The following TSPAN9 variants were observed in gnomAD, a reference collection of about 807,000 sequenced individuals.
TSPAN9 encodes tetraspanin-9.
TSPAN9 carries 16 observed loss-of-function variants against 31.0 expected under a neutral mutation model. That is an observed-to-expected ratio of 0.52 (90% CI 0.35 to 0.78). The LOEUF (loss-of-function observed/expected upper bound fraction) is 0.78, where lower values mean the gene tolerates loss of function less well. Among genes scored for constraint, TSPAN9 ranks in the 30% least tolerant of loss-of-function variants. The probability of loss-of-function intolerance (pLI) is 0.01; values close to 1 mark genes in which losing one functional copy is unlikely to be tolerated. For synonymous variants in TSPAN9, 145 were observed against 121.6 expected, an observed-to-expected ratio of 1.19 and a Z score of -1.27; for missense variants, 272 against 312.5, an observed-to-expected ratio of 0.87 and a Z score of 0.98.
Position 3,201,583 on chromosome 12 carries a change from G to A in TSPAN9, c.63+327G>A, listed in dbSNP as rs144886638. On this transcript the variant is annotated intron_variant, in intron 3 of 8. Coordinates refer to ENST00000011898, the MANE Select transcript of TSPAN9 (RefSeq NM_006675.5). ...AGTGCCTCCGACTGGGCAGCCTGCA[G>A]TAATGGCTGTGGGCTCAGAATTTGT... 2.2e-4 allele frequency among the ~76,000 whole-genome samples: 34 copies of A among 152,328 alleles called. No homozygotes were observed. In the East Asian group the frequency reaches 6.6e-3, roughly 29 times the overall value.
At position 3,187,674 on chromosome 12, in the gene TSPAN9, T is replaced by G. The variant is rs2098362112; in HGVS notation, c.-17-13503T>G. ...ATGTGATCATTAGTGTGAGAGCCCC[T>G]CAAAAAAGCTGCAAGAGTCACCATG... On this transcript the variant is annotated intron_variant, in intron 2 of 8. Coordinates refer to ENST00000011898, the MANE Select transcript of TSPAN9 (RefSeq NM_006675.5). The surrounding 1 kb of genome is among the most constrained non-coding windows in gnomAD (Gnocchi z 5.2). Among the ~76,000 whole-genome samples the G allele has an allele frequency of 6.6e-6, 1 of 152,022 alleles. No homozygotes were observed. The highest frequency in any genetic ancestry group is 1.5e-5 in the Non-Finnish European group (1 of 67,990).
chr12:3,213,189 G>A (rs12319625), intron 3 of TSPAN9, among the ~76,000 whole-genome samples: 79 of 152,316 alleles, frequency 5.2e-4, no homozygotes, highest in African/African-American at 1.9e-3. Flanking sequence ...GGAGGACATG[G>A]GACTGTGGCT....
At chr12:3,211,538 T>C in intron 3 of TSPAN9, 2 of 757,494 alleles carry the variant, frequency 2.6e-6, no homozygotes, top group Non-Finnish European at 4.2e-6. Context: ...ACCCTTTTGA[T>C]ATTTTGGTTG....
intron 3 of TSPAN9, among the ~76,000 whole-genome samples, chr12:3,261,829 G>C (rs1234504394): frequency 1.3e-5 from 2 of 152,232 alleles, no homozygotes; most frequent in African/African-American, 4.8e-5. Context: ...ACAGACTGAG[G>C]ACACTGGGCT....
intron 3 of TSPAN9, among the ~76,000 whole-genome samples, chr12:3,244,583 A>T (rs2098398377): frequency 6.6e-6 from 1 of 152,064 alleles, no homozygotes; most frequent in Non-Finnish European, 1.5e-5. Context: ...CTCTCGAGCC[A>T]CCTCACGCCC....
chr12:3,273,305 G>A (rs142276652), intron 3 of TSPAN9: 1 of 152,392 alleles, frequency 6.6e-6, no homozygotes, highest in African/African-American at 2.4e-5. Flanking sequence ...GCCCTGATTT[G>A]AAGTTATTTT....
chr12:3,154,065 T>G (rs943993142), intron 2 of TSPAN9, among the ~76,000 whole-genome samples: 1 of 152,144 alleles, frequency 6.6e-6, no homozygotes, highest in African/African-American at 2.4e-5. Flanking sequence ...TCTATCTGTT[T>G]CTCTGTCTAG....
At position 3,247,298 on chromosome 12, in the gene TSPAN9, A is replaced by C. The variant is rs561910; in HGVS notation, c.64-31123A>C. On this transcript the variant is annotated intron_variant, in intron 3 of 8. Transcript: ENST00000011898. ...TTGTGGCTGATGAGCATTACTGGCC[A>C]GCCCCCCCCCCCCCGCCACCCGCGT... Among the ~76,000 whole-genome samples the C allele has an allele frequency of 1.4e-3, 95 of 68,782 alleles. 12 individuals carry two copies. The highest frequency in any genetic ancestry group is 3.0e-3 in the South Asian group (4 of 1,340). The allele number at this position is 68,782 out of a possible 152,430, so 45.1% of individuals were successfully genotyped here.
intron 2 of TSPAN9, among the ~76,000 whole-genome samples, chr12:3,111,081 C>T (rs1309811669): frequency 6.6e-6 from 1 of 152,146 alleles, no homozygotes; most frequent in Non-Finnish European, 1.5e-5. Context: ...CATCCAGGTG[C>T]GAGTGCTGGG....
chr12:3,284,077 A>G lies in TSPAN9; in HGVS notation c.*961A>G, dbSNP rs752836774. The G allele has an allele frequency of 3.3e-5, 5 of 152,594 alleles. No individual in the cohort carries two copies. Among genetic ancestry groups the G allele is most frequent in the Non-Finnish European group, 7.3e-5 (5 of 68,108 alleles). 9.5% of individuals were successfully genotyped at this position (152,594 alleles called of 1,614,324 possible). On this transcript the variant is annotated 3_prime_UTR_variant, in exon 9 of 9. Transcript: ENST00000011898. ...GTCCTTAGACTTTTCACTGATGAGC[A>G]GTTGTTGGTTTTTTCTTTCTCCCTT... is the stretch of plus-strand genomic sequence containing the variant.
In TSPAN9 at chr12:3,266,515, C is replaced by T. The variant is rs576436526; in HGVS notation, c.64-11906C>T. On this transcript the variant is annotated intron_variant, in intron 3 of 8. Transcript: ENST00000011898. ...ACGAAGAGCTCCGTGACCTGGGACA[C>T]GTTTGTCTGGGGAAACTGTGGACAG... Among the ~76,000 whole-genome samples the T allele has an allele frequency of 2.0e-5, 3 of 152,320 alleles. No homozygotes were observed. The East Asian group carries it at 5.8e-4, about 29-fold the overall frequency.
chr12:3,080,988 G>A (rs1462697761), intron 1 of TSPAN9, among the ~76,000 whole-genome samples: 1 of 152,188 alleles, frequency 6.6e-6, no homozygotes, highest in African/African-American at 2.4e-5. Flanking sequence ...AGCCAGCACT[G>A]TTAAGTGAAT....
chr12:3,278,356 T>G, intron 3 of TSPAN9, 65 bp from the exon 4 acceptor site: 6 of 1,585,386 alleles, frequency 3.8e-6, no homozygotes, highest in Non-Finnish European at 5.2e-6. Flanking sequence ...GGACCTGCAC[T>G]GTTCCCAGGT....
intron 3 of TSPAN9, among the ~76,000 whole-genome samples, chr12:3,276,010 C>T (rs546291648): frequency 3.3e-5 from 5 of 152,300 alleles, no homozygotes; most frequent in South Asian, 2.1e-4. Context: ...CATTTCTCAC[C>T]GCTCCTCCGT....
intron 3 of TSPAN9, among the ~76,000 whole-genome samples, chr12:3,229,485 C>G (rs887906171): frequency 4.6e-5 from 7 of 152,244 alleles, no homozygotes; most frequent in African/African-American, 1.7e-4. Context: ...TATTCTCTCT[C>G]CCTTGTCGTC....
chr12:3,254,921 A>T (rs1591708181), intron 3 of TSPAN9, among the ~76,000 whole-genome samples: 1 of 152,140 alleles, frequency 6.6e-6, no homozygotes, highest in African/African-American at 2.4e-5. Flanking sequence ...TCATGCACAC[A>T]TGTGTGTTGA....
At chr12:3,243,891 C>G (rs1460531219) in intron 3 of TSPAN9, among the ~76,000 whole-genome samples, 1 of 152,202 alleles carries the variant, frequency 6.6e-6, no homozygotes, top group Non-Finnish European at 1.5e-5. Context: ...TTGTACTACC[C>G]CCTGCAGTCA....
chr12:3,112,990 T>C lies in TSPAN9; in HGVS notation c.-18+29271T>C, dbSNP rs115018875. Among the ~76,000 whole-genome samples, 264 of 152,314 alleles carry C rather than the reference T, an allele frequency of 1.7e-3. 2 individuals carry two copies. Among genetic ancestry groups the C allele is most frequent in the African/African-American group, 6.2e-3 (257 of 41,560 alleles). ...AATACACCATTGTGCCCAGCCTGTT[T>C]CCAGAAATTCTTACATTTCCTTCTT... On this transcript the variant is annotated intron_variant, in intron 2 of 8. Transcript: ENST00000011898.
intron 3 of TSPAN9, among the ~76,000 whole-genome samples, chr12:3,260,446 T>A (rs879772703): frequency 1.3e-5 from 2 of 152,142 alleles, no homozygotes; most frequent in Non-Finnish European, 1.5e-5. Context: ...ACAGCAGAAG[T>A]GGAAACTTTT....
Sources: gnomAD v4.1 joint callset for allele counts (sites outside exome capture counted in the v4.1 genomes callset) on GRCh38, gnomAD v4.1.1 for gene constraint, Gnocchi (gnomAD v3.1) non-coding constraint, MANE v1.5 for transcripts, NCBI Gene and HGNC (gene_info 2026-07-23, HGNC 2026-07-21) for gene names.